Variants in AP4E1 observed in about 807,000 individuals in gnomAD.
AP4E1 encodes the protein adaptor related protein complex 4 subunit epsilon 1, also known as AP-4 complex subunit epsilon-1.
Under a neutral mutation model 128.2 loss-of-function variants are expected in AP4E1, and 56 were observed. The observed-to-expected ratio is 0.44, with a 90% CI of 0.35 to 0.55. The LOEUF (loss-of-function observed/expected upper bound fraction) is 0.55. AP4E1 is among the 20% of genes least tolerant of loss of function. The pLI, the probability that AP4E1 is intolerant of heterozygous loss-of-function variation, is 0.00. For synonymous variants in AP4E1, 484 were observed against 473.1 expected, an observed-to-expected ratio of 1.02 and a Z score of -0.30; for missense variants, 1,324 against 1,307.7, an observed-to-expected ratio of 1.01 and a Z score of -0.19.
At chr15:50,974,576 A>AT (rs1567248592) in intron 15 of AP4E1, among the ~76,000 whole-genome samples, 3 of 151,948 alleles carry the variant, frequency 2.0e-5, no homozygotes, top group Non-Finnish European at 4.4e-5. Context: ...CTGTATTTTT[A>AT]TTTTTTTGAG....
intron 16 of AP4E1, among the ~76,000 whole-genome samples, chr15:50,984,540 G>A (rs1257696943): frequency 6.9e-6 from 1 of 144,002 alleles, no homozygotes; most frequent in East Asian, 2.1e-4. Flanking sequence ...TCCCACCTAT[G>A]AGTGAGAACA....
At chr15:50,952,376 G>T (rs2140867716) in intron 13 of AP4E1, among the ~76,000 whole-genome samples, 1 of 152,108 alleles carries the variant, frequency 6.6e-6, no homozygotes. Context: ...CAGGCATGGT[G>T]GCACGCACCT....
At chr15:50,983,682 T>G (rs894760262) in intron 15 of AP4E1, among the ~76,000 whole-genome samples, 4 of 152,206 alleles carry the variant, frequency 2.6e-5, no homozygotes, top group African/African-American at 9.6e-5. Context: ...TATAACTCAT[T>G]AAACATTTTT....
chr15:50,997,742 C>T lies in AP4E1; in HGVS notation c.2763C>T (p.Val921=). The stretch of plus-strand genomic sequence containing the variant: ...ACATACACTCAAATGCTATGGAAGT[C>T]TGTAATAATGAAACTATATCAGTGT... The part of the protein sequence containing the change: ...TEYIHSNAME[V]CNNETISVSS... The change falls in exon 18 of 21, where the codon GTC becomes GTT. Residue 921 remains valine, a synonymous_variant. Transcript: ENST00000261842. 1.2e-6 allele frequency: 2 copies of T among 1,613,718 alleles called. No homozygotes were observed. The highest frequency in any genetic ancestry group is 1.1e-5 in the South Asian group (1 of 91,028).
At chr15:50,953,136 G>T (rs2064173702) in intron 13 of AP4E1, among the ~76,000 whole-genome samples, 1 of 152,164 alleles carries the variant, frequency 6.6e-6, no homozygotes, top group Admixed American at 6.5e-5. Context: ...TAACTAATTT[G>T]TGAGGTGATT....
chr15:50,917,238 G>A (rs538446961), intron 3 of AP4E1, among the ~76,000 whole-genome samples: 18 of 152,182 alleles, frequency 1.2e-4, no homozygotes, highest in African/African-American at 4.3e-4. Flanking sequence ...CATCCTTTTC[G>A]TTTCTAAGGA....
Position 50,908,922 on chromosome 15 carries a change from C to G in AP4E1, c.144C>G (p.Ser48=). The G allele has an allele frequency of 6.2e-7, 1 of 1,611,018 alleles. No individual in the cohort carries two copies. Among genetic ancestry groups the G allele is most frequent in the Non-Finnish European group, 8.5e-7 (1 of 1,179,488 alleles). ...SLVRGITALT[S]KHEEEKLIQQ... The stretch of plus-strand genomic sequence containing the variant: ...TCCGCGGCATCACAGCCCTCACCTC[C>G]AAGCACGTAGGTGCCCGCCGGCCCG... Residue 48 remains serine (S), a synonymous_variant, in exon 1 of 21, where the codon TCC becomes TCG. Transcript: ENST00000261842.
At chr15:50,919,891 G>T (rs1178409662) in intron 3 of AP4E1, among the ~76,000 whole-genome samples, 1 of 151,642 alleles carries the variant, frequency 6.6e-6, no homozygotes, top group African/African-American at 2.4e-5. Flanking sequence ...AGCCTGGCCA[G>T]CATGGTGAAA....
At chr15:50,939,399 G>C (rs978167967) in intron 8 of AP4E1, among the ~76,000 whole-genome samples, 2 of 151,944 alleles carry the variant, frequency 1.3e-5, no homozygotes, top group African/African-American at 4.8e-5. Flanking sequence ...CTTGAACCTG[G>C]GGGGTGGAGG....
rs193043404 is a variant in AP4E1, at chr15:50,958,015, G to C, written c.1549-477G>C. The stretch of plus-strand genomic sequence containing the variant: ...TCTCTTCTGTGGAATGTCTACATCA[G>C]AATCAGCTGATGCATATTCAAATGT... On this transcript the variant is annotated intron_variant, in intron 13 of 20. Transcript: ENST00000261842. Among the ~76,000 whole-genome samples, 6 of 152,098 alleles carry C rather than the reference G, an allele frequency of 3.9e-5. No individual in the cohort carries two copies. In the East Asian group the frequency reaches 1.2e-3, roughly 29 times the overall value.
intron 10 of AP4E1, chr15:50,945,055 CTG>C (rs2064039223): frequency 2.6e-6 from 2 of 780,322 alleles, no homozygotes; most frequent in Admixed American, 1.7e-5. Context: ...GGTGACAAAA[CTG>C]TGAAACAATG....
chr15:50,992,689 CT>C (rs1396382020), intron 16 of AP4E1, among the ~76,000 whole-genome samples: 10 of 152,232 alleles, frequency 6.6e-5, no homozygotes, highest in East Asian at 1.9e-4. Flanking sequence ...CAGCCTCAGG[CT>C]TTTTCCCAAA....
At chr15:50,983,022 T>C (rs775546520) in intron 15 of AP4E1, among the ~76,000 whole-genome samples, 4 of 152,210 alleles carry the variant, frequency 2.6e-5, no homozygotes, top group Non-Finnish European at 5.9e-5. Flanking sequence ...GTTCAAAATT[T>C]GTCAGTTAAG....
chr15:50,927,016 T>G (rs1045281563), intron 5 of AP4E1, among the ~76,000 whole-genome samples: 5 of 152,238 alleles, frequency 3.3e-5, no homozygotes, highest in Admixed American at 6.5e-5. Flanking sequence ...ATATCTGTGT[T>G]TAGAACGAAG....
intron 1 of AP4E1, among the ~76,000 whole-genome samples, chr15:50,910,206 T>G (rs2063547868): frequency 6.6e-6 from 1 of 152,184 alleles, no homozygotes; most frequent in Non-Finnish European, 1.5e-5. Flanking sequence ...AGGCTGGTCT[T>G]GAACTGACCT....
At chr15:50,989,895 G>A (rs970297465) in intron 16 of AP4E1, among the ~76,000 whole-genome samples, 1 of 152,060 alleles carries the variant, frequency 6.6e-6, no homozygotes, top group Non-Finnish European at 1.5e-5. Flanking sequence ...TTTCCAAAGA[G>A]GACCTCAGCT....
At chr15:50,990,256 T>C (rs2064785571) in intron 16 of AP4E1, among the ~76,000 whole-genome samples, 1 of 151,462 alleles carries the variant, frequency 6.6e-6, no homozygotes, top group Non-Finnish European at 1.5e-5. Flanking sequence ...TTTTCTAATG[T>C]TTCATATAAT....
intron 8 of AP4E1, among the ~76,000 whole-genome samples, chr15:50,937,034 T>G (rs893459643): frequency 6.6e-6 from 1 of 152,236 alleles, no homozygotes; most frequent in Non-Finnish European, 1.5e-5. Context: ...AACCTTATAG[T>G]TCCTGTTGTT....
chr15:50,979,534 C>CT (rs562061570), intron 15 of AP4E1, among the ~76,000 whole-genome samples: 29 of 151,898 alleles, frequency 1.9e-4, no homozygotes, highest in East Asian at 3.9e-4. Context: ...TTTTTCTTTT[C>CT]TTTTTTTTGA....
Sources: gnomAD v4.1 joint callset for allele counts (sites outside exome capture counted in the v4.1 genomes callset) on GRCh38, gnomAD v4.1.1 for gene constraint, MANE v1.5 for transcripts, NCBI Gene and HGNC (gene_info 2026-07-23, HGNC 2026-07-21) for gene names.